FRMD6: variants seen among roughly 807,000 people sequenced by gnomAD.
FRMD6 encodes FERM domain-containing protein 6.
In FRMD6, 37 loss-of-function variants were observed where a neutral mutation model predicts 73.2. The ratio of observed to expected loss-of-function variants is 0.51; its 90% CI spans 0.39 to 0.66. FRMD6 has a LOEUF of 0.66. FRMD6 is among the 30% of genes least tolerant of loss of function. FRMD6 has a pLI of 0.00. For missense variants in FRMD6, 714 were observed against 780.5 expected (o/e 0.91, Z 1.02); for synonymous variants, 273 against 282.2 (o/e 0.97, Z 0.33).
chr14:51,471,194 A>G, the FRMD6 span, among the ~76,000 whole-genome samples: 1 of 152,148 alleles, frequency 6.6e-6, no homozygotes, highest in African/African-American at 2.4e-5. Flanking sequence ...CATTTATAAT[A>G]TTTATGTCTT....
At chr14:51,447,644 C>A in the FRMD6 span, among the ~76,000 whole-genome samples, 1 of 152,214 alleles carries the variant, frequency 6.6e-6, no homozygotes, top group Non-Finnish European at 1.5e-5. Flanking sequence ...CTACAGCCCA[C>A]ACTCTGGGCA....
At chr14:51,438,316 G>A in the FRMD6 span, among the ~76,000 whole-genome samples, 2 of 152,182 alleles carry the variant, frequency 1.3e-5, no homozygotes, top group Non-Finnish European at 2.9e-5. Flanking sequence ...ATTCTCTATC[G>A]TAATTTTGTT....
the FRMD6 span, among the ~76,000 whole-genome samples, chr14:51,403,636 A>G: frequency 2.0e-5 from 3 of 152,088 alleles, no homozygotes; most frequent in East Asian, 5.8e-4. Flanking sequence ...TCCTGGGCTC[A>G]TGCAGTCTGC....
At chr14:51,407,922 T>C in the FRMD6 span, among the ~76,000 whole-genome samples, 1 of 152,316 alleles carries the variant, frequency 6.6e-6, no homozygotes, top group East Asian at 1.9e-4. Flanking sequence ...ATTTTTCTAC[T>C]GAATTATCTT....
the FRMD6 span, among the ~76,000 whole-genome samples, chr14:51,463,182 C>T: frequency 3.3e-5 from 5 of 152,176 alleles, no homozygotes; most frequent in African/African-American, 4.8e-5. Flanking sequence ...CAATTTCACT[C>T]AGGTAGCCAT....
intron 1 of FRMD6, among the ~76,000 whole-genome samples, chr14:51,672,303 C>T (rs182662434): frequency 7.9e-5 from 12 of 152,252 alleles, no homozygotes; most frequent in Non-Finnish European, 1.3e-4. Flanking sequence ...GAAAAATGCC[C>T]GTGAAAGCTT....
At chr14:51,494,550 C>A (rs955434646) in intron 1 of FRMD6, among the ~76,000 whole-genome samples, 13 of 152,232 alleles carry the variant, frequency 8.5e-5, no homozygotes, top group Non-Finnish European at 1.6e-4. Flanking sequence ...TCTACCCTCA[C>A]AGATTTGTCG....
the FRMD6 span, among the ~76,000 whole-genome samples, chr14:51,428,200 C>T: frequency 6.6e-6 from 1 of 152,130 alleles, no homozygotes; most frequent in African/African-American, 2.4e-5. Flanking sequence ...CTTCCTAGGT[C>T]AGTGATTCCA....
At chr14:51,435,440 G>A in the FRMD6 span, among the ~76,000 whole-genome samples, 15 of 148,492 alleles carry the variant, frequency 1.0e-4, no homozygotes, top group South Asian at 2.1e-4. Flanking sequence ...AAAAAGAAAC[G>A]AAGTGTAAAC....
chr14:51,596,301 A>G (rs1489431689), intron 2 of FRMD6, among the ~76,000 whole-genome samples: 1 of 151,376 alleles, frequency 6.6e-6, no homozygotes, highest in African/African-American at 2.4e-5. Flanking sequence ...GAAATTCCAC[A>G]GGAAATCTGA....
At chr14:51,455,379 C>A in the FRMD6 span, among the ~76,000 whole-genome samples, 1 of 152,236 alleles carries the variant, frequency 6.6e-6, no homozygotes, top group Non-Finnish European at 1.5e-5. Context: ...ATCTTTCAAT[C>A]ATTATTCCTG....
At chr14:51,663,982 G>A (rs1435888287) in intron 1 of FRMD6, among the ~76,000 whole-genome samples, 1 of 152,176 alleles carries the variant, frequency 6.6e-6, no homozygotes, top group Non-Finnish European at 1.5e-5. Context: ...CTCTTGTTAG[G>A]CCCCATCTCC....
At position 51,655,942 on chromosome 14, in the gene FRMD6, A is replaced by C. The variant is rs922050129; in HGVS notation, c.-147+3946A>C. Among the ~76,000 whole-genome samples the C allele has an allele frequency of 3.9e-5, 6 of 152,216 alleles. No individual in the cohort carries two copies. In the East Asian group the frequency reaches 1.2e-3, roughly 29 times the overall value. On this transcript the variant is annotated intron_variant, in intron 1 of 13. Coordinates refer to ENST00000344768, the MANE Select transcript of FRMD6 (RefSeq NM_001267046.2). ...CCACTTCCCATTTCAAAGACTGGAA[A>C]CATTTTTTGTTTAAGTGCTAATGAT... is the stretch of plus-strand genomic sequence containing the variant.
the FRMD6 span, among the ~76,000 whole-genome samples, chr14:51,428,792 G>T: frequency 1.3e-5 from 2 of 152,232 alleles, no homozygotes; most frequent in Non-Finnish European, 1.5e-5. Context: ...TGCCAATAGA[G>T]AATGGCAGAA....
intron 1 of FRMD6, among the ~76,000 whole-genome samples, chr14:51,552,244 G>T (rs1033243190): frequency 5.3e-5 from 8 of 152,208 alleles, no homozygotes; most frequent in African/African-American, 1.7e-4. Flanking sequence ...ACATCTGTTG[G>T]TGAACCTGTC....
chr14:51,711,400 C>A (rs1030740083), intron 7 of FRMD6, 131 bp from the exon 8 acceptor site: 3 of 540,752 alleles, frequency 5.5e-6, no homozygotes, highest in South Asian at 2.9e-5. Context: ...AAGGCTTGAG[C>A]AAAGTTATTT....
rs1897936451 is a variant in FRMD6, at chr14:51,726,013, C to T, written c.1584+143C>T. On this transcript the variant is annotated intron_variant, in intron 13 of 13. Transcript: ENST00000344768. ...TAGATACGTACATTCTAGCTTTATT[C>T]TGAATTTATTTCCATCTTATTTGCT... 3.8e-5 allele frequency: 21 copies of T among 551,782 alleles called. No individual in the cohort carries two copies. In the South Asian group the frequency reaches 4.7e-4, roughly 12 times the overall value. 34.2% of individuals were successfully genotyped at this position (551,782 alleles called of 1,614,324 possible). A position where few individuals can be genotyped will look rare whatever the true frequency, so the allele number is the denominator to read the frequency against.
chr14:51,441,491 T>G, the FRMD6 span, among the ~76,000 whole-genome samples: 3 of 152,228 alleles, frequency 2.0e-5, no homozygotes, highest in Non-Finnish European at 4.4e-5. Flanking sequence ...AAGGTGGGAT[T>G]GTAAATTTTT....
At chr14:51,690,052 C>A in intron 2 of FRMD6, 117 bp downstream of exon 2, 1 of 738,124 alleles carries the variant, frequency 1.4e-6, no homozygotes. Flanking sequence ...AATCATGTGG[C>A]AGAATTGGGT....
Sources: gnomAD v4.1 joint callset for allele counts (sites outside exome capture counted in the v4.1 genomes callset) on GRCh38, gnomAD v4.1.1 for gene constraint, MANE v1.5 for transcripts, NCBI Gene and HGNC (gene_info 2026-07-23, HGNC 2026-07-21) for gene names.